The following DGKB variants were observed in gnomAD, a reference collection of about 807,000 sequenced individuals.
DGKB encodes diacylglycerol kinase beta, also known as 90 kDa diacylglycerol kinase.
In DGKB, 67 loss-of-function variants were observed where a neutral mutation model predicts 114.3. The observed-to-expected ratio is 0.59, with a 90% CI of 0.48 to 0.72. DGKB has a LOEUF of 0.72. Among genes scored for constraint, DGKB ranks in the 30% least tolerant of loss-of-function variants. The probability of loss-of-function intolerance (pLI) is 0.00; values close to 1 mark genes in which losing one functional copy is unlikely to be tolerated. For synonymous variants in DGKB, 398 were observed against 323.1 expected (o/e 1.23, Z -2.49); for missense variants, 907 against 975.2 (o/e 0.93, Z 0.93).
intron 2 of DGKB, among the ~76,000 whole-genome samples, chr7:14,829,753 A>G (rs575452128): frequency 7.9e-5 from 12 of 152,300 alleles, no homozygotes; most frequent in African/African-American, 2.6e-4. Context: ...GGCAGCCAAT[A>G]GGAGAAGAAA....
At chr7:14,484,955 T>A (rs1163835809) in intron 20 of DGKB, among the ~76,000 whole-genome samples, 1 of 144,382 alleles carries the variant, frequency 6.9e-6, no homozygotes, top group East Asian at 2.1e-4. Flanking sequence ...TAACAATTAG[T>A]GGAATTGACA....
intron 1 of DGKB, among the ~76,000 whole-genome samples, chr7:14,847,290 CAAA>C (rs369385721): frequency 3.2e-5 from 3 of 92,896 alleles, no homozygotes; most frequent in Non-Finnish European, 2.1e-5. Context: ...GACTCCGTCT[CAAA>C]AAAAAAAAAA....
intron 20 of DGKB, among the ~76,000 whole-genome samples, chr7:14,505,021 T>C (rs1369123593): frequency 1.3e-5 from 2 of 152,200 alleles, no homozygotes; most frequent in Non-Finnish European, 2.9e-5. Context: ...TAAGCCTTCA[T>C]GTTGATAAAG....
At chr7:14,793,231 A>G (rs1368585803) in intron 2 of DGKB, among the ~76,000 whole-genome samples, 1 of 152,186 alleles carries the variant, frequency 6.6e-6, no homozygotes, top group Non-Finnish European at 1.5e-5. Flanking sequence ...GAAGACTATT[A>G]GAAATGCATT....
chr7:14,472,345 C>A (rs1434607581), intron 21 of DGKB, among the ~76,000 whole-genome samples: 1 of 152,168 alleles, frequency 6.6e-6, no homozygotes, highest in Non-Finnish European at 1.5e-5. Flanking sequence ...AGTTTCCCTG[C>A]ACAAGCTAGC....
At chr7:14,259,396 T>C (rs1278495810) in intron 23 of DGKB, among the ~76,000 whole-genome samples, 2 of 97,604 alleles carry the variant, frequency 2.0e-5, no homozygotes, top group Non-Finnish European at 4.7e-5. Context: ...TCTCTCTCTC[T>C]CTCTCTCTCT....
intron 17 of DGKB, among the ~76,000 whole-genome samples, chr7:14,586,750 C>T (rs146847811): frequency 6.6e-6 from 1 of 151,940 alleles, no homozygotes; most frequent in African/African-American, 2.4e-5. Flanking sequence ...GCCAAACTTA[C>T]TCTACCTGTG....
chr7:14,357,791 G>C (rs1042871095), intron 21 of DGKB, among the ~76,000 whole-genome samples: 8 of 152,122 alleles, frequency 5.3e-5, no homozygotes, highest in African/African-American at 9.7e-5. Flanking sequence ...AGGCAGGCTT[G>C]GTGGTGGCAA....
intron 22 of DGKB, 96 bp downstream of exon 22, chr7:14,345,203 AAT>A: frequency 1.5e-6 from 1 of 665,794 alleles, no homozygotes; most frequent in Non-Finnish European, 2.5e-6. Context: ...GTGGATTGCT[AAT>A]ATATATTTCA....
intron 1 of DGKB, among the ~76,000 whole-genome samples, chr7:14,930,175 C>A (rs1784934259): frequency 6.6e-6 from 1 of 152,126 alleles, no homozygotes; most frequent in East Asian, 1.9e-4. Context: ...CAGCTTTGTT[C>A]TTTTTGCTCA....
At chr7:14,771,654 C>T (rs914911939) in intron 2 of DGKB, among the ~76,000 whole-genome samples, 4 of 152,118 alleles carry the variant, frequency 2.6e-5, no homozygotes, top group African/African-American at 9.6e-5. Flanking sequence ...GACTTACTTT[C>T]CAGTCTGATT....
chr7:14,321,906 G>A (rs924447223), intron 23 of DGKB, among the ~76,000 whole-genome samples: 2 of 152,102 alleles, frequency 1.3e-5, no homozygotes, highest in Non-Finnish European at 2.9e-5. Context: ...GCTATACCAT[G>A]TTCACCATTT....
intron 17 of DGKB, among the ~76,000 whole-genome samples, chr7:14,597,146 T>A (rs182881463): frequency 2.0e-5 from 3 of 152,024 alleles, no homozygotes; most frequent in African/African-American, 7.2e-5. Context: ...AGGCGGAGCT[T>A]GCAGTGAGCC....
At chr7:14,717,942 G>A (rs945611897) in intron 6 of DGKB, among the ~76,000 whole-genome samples, 1 of 152,124 alleles carries the variant, frequency 6.6e-6, no homozygotes, top group Non-Finnish European at 1.5e-5. Context: ...ATTAAAGACA[G>A]TAATTATTTA....
chr7:14,780,975 T>C (rs1839001108), intron 2 of DGKB, among the ~76,000 whole-genome samples: 2 of 152,336 alleles, frequency 1.3e-5, no homozygotes, highest in South Asian at 4.1e-4. Flanking sequence ...TTGTTCAGAT[T>C]CATTTGTGTC....
chr7:14,511,641 A>G (rs1335138683), intron 20 of DGKB, among the ~76,000 whole-genome samples: 1 of 152,172 alleles, frequency 6.6e-6, no homozygotes, highest in African/African-American at 2.4e-5. Context: ...TTCATTCACA[A>G]CTTGAATAAC....
intron 20 of DGKB, among the ~76,000 whole-genome samples, chr7:14,487,702 A>G (rs1784034087): frequency 6.6e-6 from 1 of 150,428 alleles, no homozygotes; most frequent in South Asian, 2.1e-4. Context: ...CCTGGGCTCC[A>G]GTGATCCTCT....
intron 1 of DGKB, among the ~76,000 whole-genome samples, chr7:14,856,579 A>G (rs1036670435): frequency 2.0e-4 from 30 of 152,042 alleles, no homozygotes; most frequent in African/African-American, 7.2e-4. Flanking sequence ...TTTTTACTCA[A>G]GTTTTTCAGA....
At chr7:14,921,524 T>A (rs541133498) in intron 1 of DGKB, among the ~76,000 whole-genome samples, 2 of 152,174 alleles carry the variant, frequency 1.3e-5, no homozygotes, top group African/African-American at 2.4e-5. Flanking sequence ...CCACCAAGGG[T>A]TATTTTGCTC....
Sources: allele counts gnomAD v4.1 joint callset (sites outside exome capture counted in the v4.1 genomes callset), GRCh38; gene constraint gnomAD v4.1.1; transcripts MANE v1.5; gene names NCBI Gene and HGNC (gene_info 2026-07-23, HGNC 2026-07-21).